The following CCSER1 variants were observed in gnomAD, a reference collection of about 807,000 sequenced individuals.
The protein encoded by CCSER1 is coiled-coil serine rich protein 1.
In CCSER1, 41 loss-of-function variants were observed where a neutral mutation model predicts 82.0. The observed-to-expected ratio is 0.50, with a 90% CI of 0.39 to 0.65. The LOEUF (loss-of-function observed/expected upper bound fraction) is 0.65, where lower values mean the gene tolerates loss of function less well. CCSER1 is among the 30% of genes least tolerant of loss of function. CCSER1 has a pLI of 0.00. For synonymous variants in CCSER1, 414 were observed against 383.9 expected, an observed-to-expected ratio of 1.08 and a Z score of -0.92; for missense variants, 1,119 against 1,064.2, an observed-to-expected ratio of 1.05 and a Z score of -0.72.
At chr4:91,139,509 GA>G (rs947685588) in intron 10 of CCSER1, among the ~76,000 whole-genome samples, 1 of 151,990 alleles carries the variant, frequency 6.6e-6, no homozygotes, top group Admixed American at 6.6e-5. Context: ...TGAACAAAAA[GA>G]AAAAAGATAC....
At chr4:91,433,803 G>A (rs1015856535) in intron 10 of CCSER1, among the ~76,000 whole-genome samples, 1 of 152,188 alleles carries the variant, frequency 6.6e-6, no homozygotes, top group African/African-American at 2.4e-5. Context: ...CTGTATGTCT[G>A]TCTTGTTTAT....
intron 4 of CCSER1, among the ~76,000 whole-genome samples, chr4:90,403,498 C>CAA (rs753570201): frequency 0.013 from 563 of 44,770 alleles, 5 homozygotes; most frequent in East Asian, 0.046. Context: ...GACTCCGTCT[C>CAA]AAAAAAAAAA....
chr4:90,404,433 C>G (rs184884311), intron 4 of CCSER1, among the ~76,000 whole-genome samples: 2 of 152,134 alleles, frequency 1.3e-5, no homozygotes. Flanking sequence ...TTCTATGGCC[C>G]TTCCCACGGC....
At chr4:91,107,286 G>A (rs62312242) in intron 10 of CCSER1, among the ~76,000 whole-genome samples, 2,955 of 152,034 alleles carry the variant, frequency 0.019, 52 homozygotes, top group Non-Finnish European at 0.031. Context: ...ACAGAGCCCC[G>A]CTCTGTCACC....
chr4:91,278,724 TATTA>T (rs951498515), intron 10 of CCSER1, among the ~76,000 whole-genome samples: 100 of 152,302 alleles, frequency 6.6e-4, no homozygotes, highest in African/African-American at 2.3e-3. Flanking sequence ...CTTGTCATTT[TATTA>T]ATTAGTTTCT....
intron 10 of CCSER1, among the ~76,000 whole-genome samples, chr4:91,320,857 G>A (rs1250920429): frequency 6.6e-6 from 1 of 151,972 alleles, no homozygotes; most frequent in Admixed American, 6.6e-5. Flanking sequence ...AAAGATAATA[G>A]GTTCAGTCTA....
At chr4:91,022,877 T>A (rs1740130266) in intron 9 of CCSER1, among the ~76,000 whole-genome samples, 1 of 152,184 alleles carries the variant, frequency 6.6e-6, no homozygotes, top group African/African-American at 2.4e-5. Context: ...TTCTTGTAAA[T>A]TTGTTTGAGT....
intron 1 of CCSER1, among the ~76,000 whole-genome samples, chr4:90,290,675 A>AT (rs922214332): frequency 6.6e-6 from 1 of 151,648 alleles, no homozygotes; most frequent in Non-Finnish European, 1.5e-5. Flanking sequence ...TAGTGGCTGC[A>AT]TTTTTTTCCC....
chr4:90,324,956 G>A (rs934956835), intron 3 of CCSER1, among the ~76,000 whole-genome samples: 4 of 152,250 alleles, frequency 2.6e-5, no homozygotes, highest in Admixed American at 2.6e-4. Flanking sequence ...GTTTTTCTCA[G>A]ATTTGTCAAA....
chr4:90,527,007 A>G (rs1373408889), intron 5 of CCSER1, among the ~76,000 whole-genome samples: 1 of 152,164 alleles, frequency 6.6e-6, no homozygotes, highest in Non-Finnish European at 1.5e-5. Context: ...AAGCATTCCT[A>G]TTTCTCCACA....
chr4:90,932,829 A>T (rs1347539951), intron 9 of CCSER1, among the ~76,000 whole-genome samples: 1 of 33,742 alleles, frequency 3.0e-5, no homozygotes, highest in Non-Finnish European at 6.3e-5. Context: ...CTCCGTCTCC[A>T]AAAAAAAAAA....
intron 3 of CCSER1, among the ~76,000 whole-genome samples, chr4:90,329,491 C>G (rs1409893231): frequency 6.6e-6 from 1 of 152,094 alleles, no homozygotes; most frequent in Admixed American, 6.5e-5. Context: ...AAGTCAAACT[C>G]ACATTTAGGG....
At chr4:90,947,999 C>A (rs947452633) in intron 9 of CCSER1, among the ~76,000 whole-genome samples, 2 of 152,034 alleles carry the variant, frequency 1.3e-5, no homozygotes, top group African/African-American at 4.8e-5. Context: ...ACCTTTAATT[C>A]CCACATTACC....
chr4:90,705,265 G>A (rs2061549520), intron 6 of CCSER1, among the ~76,000 whole-genome samples: 1 of 152,228 alleles, frequency 6.6e-6, no homozygotes, highest in South Asian at 2.1e-4. Context: ...CTGGGTATCA[G>A]CAACAGAGGC....
At chr4:90,213,287 A>T (rs927423340) in intron 1 of CCSER1, among the ~76,000 whole-genome samples, 5 of 152,060 alleles carry the variant, frequency 3.3e-5, no homozygotes, top group African/African-American at 1.2e-4. Context: ...GTAAATATGG[A>T]ATTGCCATTT....
intron 9 of CCSER1, among the ~76,000 whole-genome samples, chr4:91,050,785 GTC>G (rs1742942333): frequency 6.6e-6 from 1 of 152,142 alleles, no homozygotes; most frequent in Non-Finnish European, 1.5e-5. Context: ...TATCTTCCCA[GTC>G]TCTATTAATT....
At chr4:90,723,383 T>C (rs943728390) in intron 6 of CCSER1, among the ~76,000 whole-genome samples, 2 of 151,890 alleles carry the variant, frequency 1.3e-5, no homozygotes, top group African/African-American at 4.8e-5. Flanking sequence ...AAAAGAAAGG[T>C]AAAATGTCAG....
chr4:91,358,772 G>A (rs1280747237), intron 10 of CCSER1, among the ~76,000 whole-genome samples: 1 of 152,128 alleles, frequency 6.6e-6, no homozygotes. Flanking sequence ...GGCCTGCTAT[G>A]TGCGCTGCTC....
chr4:90,904,873 C>G (rs1725225559), intron 8 of CCSER1, among the ~76,000 whole-genome samples: 2 of 152,032 alleles, frequency 1.3e-5, no homozygotes, highest in Admixed American at 6.6e-5. Context: ...ATCTCCCATT[C>G]ACCCTTATTT....
Sources: allele counts gnomAD v4.1 joint callset (sites outside exome capture counted in the v4.1 genomes callset), GRCh38; gene constraint gnomAD v4.1.1; transcripts MANE v1.5; gene names NCBI Gene and HGNC (gene_info 2026-07-23, HGNC 2026-07-21).